The following PPARG variants were observed in gnomAD, a reference collection of about 807,000 sequenced individuals.
PPARG encodes the protein peroxisome proliferator-activated receptor gamma.
In PPARG, 17 loss-of-function variants were observed where a neutral mutation model predicts 39.2. That is an observed-to-expected ratio of 0.43 (90% CI 0.30 to 0.65). PPARG has a LOEUF of 0.65. PPARG is among the 30% of genes least tolerant of loss of function. The pLI is 0.13. For missense variants in PPARG, 406 were observed against 585.9 expected, an observed-to-expected ratio of 0.69 and a Z score of 3.17; for synonymous variants, 223 against 215.7, an observed-to-expected ratio of 1.03 and a Z score of -0.30.
chr3:12,365,516 C>G (rs2048988284), intron 2 of PPARG, among the ~76,000 whole-genome samples: 1 of 152,048 alleles, frequency 6.6e-6, no homozygotes, highest in South Asian at 2.1e-4. Context: ...TTGTACTTTA[C>G]ATTTAGATCT....
intron 6 of PPARG, among the ~76,000 whole-genome samples, chr3:12,412,346 A>G (rs1365327939): frequency 6.6e-6 from 1 of 152,174 alleles, no homozygotes; most frequent in Non-Finnish European, 1.5e-5. Flanking sequence ...TGTATTCTAC[A>G]TAGGAAGCAT....
At chr3:12,322,906 A>T (rs1334625698) in intron 2 of PPARG, among the ~76,000 whole-genome samples, 1 of 152,038 alleles carries the variant, frequency 6.6e-6, no homozygotes, top group Non-Finnish European at 1.5e-5. Flanking sequence ...GGCTGGAGTG[A>T]TCCTCCCACC....
chr3:12,397,559 T>C (rs563676127), intron 5 of PPARG, among the ~76,000 whole-genome samples: 6 of 151,616 alleles, frequency 4.0e-5, no homozygotes, highest in Non-Finnish European at 5.9e-5. Flanking sequence ...TACAGGCGCC[T>C]GCCACCATGC....
At chr3:12,371,918 GT>G in intron 2 of PPARG, 1 of 712,106 alleles carries the variant, frequency 1.4e-6, no homozygotes, top group Non-Finnish European at 2.6e-6. Context: ...AAATTCCCAG[GT>G]CAGTTTACAC....
At chr3:12,376,100 C>T (rs1050761929) in intron 2 of PPARG, among the ~76,000 whole-genome samples, 45 of 152,066 alleles carry the variant, frequency 3.0e-4, no homozygotes, top group African/African-American at 1.0e-3. Context: ...CAGGCATGCA[C>T]CACCATGACC....
chr3:12,320,151 C>T (rs558142842), intron 2 of PPARG, among the ~76,000 whole-genome samples: 1 of 152,238 alleles, frequency 6.6e-6, no homozygotes, highest in Admixed American at 6.5e-5. Flanking sequence ...TTTCCTAGCA[C>T]GTAGTAACTA....
intron 5 of PPARG, chr3:12,399,215 T>G (rs2050377363): frequency 2.6e-6 from 1 of 386,224 alleles, no homozygotes. Flanking sequence ...GCTGGTGGTG[T>G]TTTGCTCATC....
chr3:12,307,839 G>T (rs377126335), intron 1 of PPARG, among the ~76,000 whole-genome samples: 34 of 152,274 alleles, frequency 2.2e-4, no homozygotes, highest in African/African-American at 8.2e-4. Context: ...CAGAGAATGA[G>T]GAGTTGTCCA....
chr3:12,401,331 A>G (rs759082882), intron 5 of PPARG, among the ~76,000 whole-genome samples: 2 of 152,192 alleles, frequency 1.3e-5, no homozygotes, highest in Non-Finnish European at 2.9e-5. Context: ...CACATAGATT[A>G]GGTTTTCAGA....
At chr3:12,404,086 A>G (rs776686508) in intron 5 of PPARG, among the ~76,000 whole-genome samples, 2 of 152,180 alleles carry the variant, frequency 1.3e-5, no homozygotes, top group Non-Finnish European at 2.9e-5. Flanking sequence ...CCCCAGCCCC[A>G]TGGAACAACA....
intron 7 of PPARG, among the ~76,000 whole-genome samples, chr3:12,419,294 T>C (rs1050878108): frequency 2.0e-5 from 3 of 152,068 alleles, no homozygotes; most frequent in African/African-American, 4.8e-5. Context: ...TGGTTTAATA[T>C]CTTGACCAAA....
rs780462943 is a variant in PPARG at position 12,369,458 on chromosome 3, C to T, written c.-8-10246C>T. On this transcript the variant is annotated intron_variant, in intron 2 of 7. Transcript: ENST00000651735. ...AGTGAGCTGTGATTGCGTTACAGCA[C>T]GACAGCCTGGGCCACAGAGAGAGAC... is the stretch of plus-strand genomic sequence containing the variant. Among the ~76,000 whole-genome samples, 6 of 151,874 alleles carry T rather than the reference C, an allele frequency of 4.0e-5. No individual in the cohort carries two copies. In the South Asian group the frequency reaches 6.3e-4, roughly 16 times the overall value.
chr3:12,379,806 T>A lies in PPARG; in HGVS notation c.95T>A (p.Ile32Asn), dbSNP rs369178039. The A allele has an allele frequency of 5.6e-6, 9 of 1,613,950 alleles. No individual in the cohort carries two copies. The highest frequency in any genetic ancestry group is 7.6e-6 in the Non-Finnish European group (9 of 1,179,948). Residue 32 changes from isoleucine (I) to asparagine (N), a missense_variant, in exon 3 of 8, where the codon ATC (isoleucine) becomes AAC (asparagine). By Grantham distance (149) the Ile-to-Asn change is moderately radical. Around this residue, in one of 2 missense-constraint regions of PPARG, gnomAD observed 131 missense variants for 127.9 expected, o/e 1.02. Transcript: ENST00000651735. ...VMEDHSHSFD[I>N]KPFTTVDFSS... ...GAAGACCACTCCCACTCCTTTGATA[T>A]CAAGCCCTTCACTACTGTTGACTTC...
chr3:12,311,207 G>A (rs949302642), intron 1 of PPARG, among the ~76,000 whole-genome samples: 1 of 152,100 alleles, frequency 6.6e-6, no homozygotes, highest in Non-Finnish European at 1.5e-5. Flanking sequence ...GGACTCAAGA[G>A]TTCCTCCTGC....
intron 2 of PPARG, among the ~76,000 whole-genome samples, chr3:12,336,422 G>A (rs940982551): frequency 2.0e-5 from 3 of 151,904 alleles, no homozygotes; most frequent in Admixed American, 2.0e-4. Context: ...TAGTGATGCT[G>A]ACATCTACTA....
chr3:12,368,468 C>T (rs2049098678), intron 2 of PPARG, among the ~76,000 whole-genome samples: 1 of 152,136 alleles, frequency 6.6e-6, no homozygotes, highest in South Asian at 2.1e-4. Context: ...AAACGTGAGC[C>T]ACCACGCCCA....
chr3:12,307,038 C>A (rs2047087799), intron 1 of PPARG, among the ~76,000 whole-genome samples: 1 of 137,212 alleles, frequency 7.3e-6, no homozygotes, highest in Non-Finnish European at 1.5e-5. Flanking sequence ...GCAGAGATTG[C>A]AGTGAGCCGA....
intron 2 of PPARG, among the ~76,000 whole-genome samples, chr3:12,330,991 A>G (rs2047843024): frequency 6.6e-6 from 1 of 152,164 alleles, no homozygotes; most frequent in Admixed American, 6.5e-5. Flanking sequence ...ATACAAGGAC[A>G]TTTTCCTGGA....
At chr3:12,334,061 C>T (rs1277703686) in intron 2 of PPARG, among the ~76,000 whole-genome samples, 2 of 152,050 alleles carry the variant, frequency 1.3e-5, no homozygotes, top group Non-Finnish European at 2.9e-5. Context: ...CTTAACTTTT[C>T]ACCTCTTTGC....
Sources: gnomAD v4.1 joint callset for allele counts (sites outside exome capture counted in the v4.1 genomes callset) on GRCh38, gnomAD v4.1.1 for gene constraint, gnomAD v4.1.1 regional missense constraint, MANE v1.5 for transcripts, NCBI Gene and HGNC (gene_info 2026-07-23, HGNC 2026-07-21) for gene names.